KALRN: variants seen among roughly 807,000 people sequenced by gnomAD.
The protein encoded by KALRN is kalirin RhoGEF kinase.
In KALRN, 70 loss-of-function variants were observed where a neutral mutation model predicts 353.7. That is an observed-to-expected ratio of 0.20 (90% CI 0.16 to 0.24). The LOEUF (loss-of-function observed/expected upper bound fraction) is 0.24. Among genes scored for constraint, KALRN ranks in the 10% least tolerant of loss-of-function variants. The pLI, the probability that KALRN is intolerant of heterozygous loss-of-function variation, is 1.00. For synonymous variants in KALRN, 1,391 were observed against 1,434.8 expected, an observed-to-expected ratio of 0.97 and a Z score of 0.69; for missense variants, 2,791 against 3,756.7, an observed-to-expected ratio of 0.74 and a Z score of 6.72.
intron 1 of KALRN, among the ~76,000 whole-genome samples, chr3:124,185,656 A>G (rs2074129382): frequency 6.6e-6 from 1 of 152,196 alleles, no homozygotes; most frequent in African/African-American, 2.4e-5. Context: ...TCTCACCATG[A>G]GATGCCTTCA....
chr3:124,255,674 C>T (rs1056823538), intron 3 of KALRN, among the ~76,000 whole-genome samples: 4 of 152,160 alleles, frequency 2.6e-5, no homozygotes, highest in East Asian at 1.9e-4. Flanking sequence ...ACAGTTGCCA[C>T]GTGGGAAAGC....
At position 124,430,772 on chromosome 3, in the gene KALRN, C is replaced by T. The variant is rs377636597; in HGVS notation, c.2826C>T (p.Ile942=). Residue 942 remains isoleucine, a synonymous_variant, in exon 16 of 60, where the codon ATC becomes ATT. Coordinates refer to ENST00000682506, the MANE Select transcript of KALRN (RefSeq NM_001388419.1). Reference sequence around the variant, plus strand: ...AGCACGAGCAGTTCCAACTGGCCATCGAGGTAACACCCAAATCTGGCTGCA... The same window carrying T: ...AGCACGAGCAGTTCCAACTGGCCATTGAGGTAACACCCAAATCTGGCTGCA... ...QREHEQFQLA[I]ESLFHATSLQ... 6.2e-6 allele frequency: 10 copies of T among 1,613,562 alleles called. No homozygotes were observed. Among genetic ancestry groups the T allele is most frequent in the South Asian group, 2.2e-5 (2 of 91,008 alleles).
At chr3:124,077,416 C>A (rs1466611531) in intron 1 of KALRN, among the ~76,000 whole-genome samples, 1 of 151,754 alleles carries the variant, frequency 6.6e-6, no homozygotes, top group Non-Finnish European at 1.5e-5. Flanking sequence ...CCATTCATTC[C>A]TACTCTTCAT....
rs1378011596 is a variant in KALRN at position 124,661,868 on chromosome 3, G to A, written c.6285G>A (p.Met2095Ile). The A allele has an allele frequency of 2.5e-6, 4 of 1,613,996 alleles. No homozygotes were observed. In the East Asian group the frequency reaches 6.7e-5, roughly 27 times the overall value. The change falls in exon 45 of 60, where the codon ATG becomes ATA. Residue 2095 changes from methionine to isoleucine, a missense_variant. This residue lies in a region of KALRN where 1,065 missense variants were observed against 1,156.4 expected (regional missense o/e 0.92). Transcript: ENST00000682506. ...CSDIEKAVEL[M>I]CLVPKRCNDM... Reference sequence around the variant, plus strand: ...TCCCACAGAAAGCAGTGGAGTTAATGTGCCTTGTTCCCAAACGCTGCAATG... The same window carrying A: ...TCCCACAGAAAGCAGTGGAGTTAATATGCCTTGTTCCCAAACGCTGCAATG...
intron 33 of KALRN, among the ~76,000 whole-genome samples, chr3:124,528,916 G>T (rs890403925): frequency 6.6e-6 from 1 of 152,082 alleles, no homozygotes; most frequent in Admixed American, 6.6e-5. Flanking sequence ...TGCTCAGCAG[G>T]GGGGGCTCTA....
chr3:124,244,844 T>C (rs1019583759), intron 3 of KALRN, among the ~76,000 whole-genome samples: 115 of 152,240 alleles, frequency 7.6e-4, no homozygotes, highest in African/African-American at 2.7e-3. Context: ...GTTACATATA[T>C]AATTTTTTTT....
Position 124,434,358 on chromosome 3 carries a change from G to A in KALRN, c.2881G>A (p.Val961Ile), listed in dbSNP as rs1485607922. The A allele has an allele frequency of 6.2e-7, 1 of 1,613,718 alleles. No individual in the cohort carries two copies. Among genetic ancestry groups the A allele is most frequent in the Non-Finnish European group, 8.5e-7 (1 of 1,180,014 alleles). ...GAAGACGCACCAGAGTGCCCTGCAG[G>A]TACAGCAGAAAGCCGAGGTGCTGCT... ...LQKTHQSALQ[V>I]QQKAEVLLQA... Residue 961 changes from valine (V) to isoleucine (I), a missense_variant, in exon 17 of 60, where the codon GTA (valine) becomes ATA (isoleucine). Physicochemically the swap from Val to Ile is conservative, Grantham distance 29. Coordinates refer to ENST00000682506, the MANE Select transcript of KALRN (RefSeq NM_001388419.1).
chr3:124,349,878 AG>A (rs1261824938), intron 10 of KALRN, among the ~76,000 whole-genome samples: 2 of 152,134 alleles, frequency 1.3e-5, no homozygotes, highest in Non-Finnish European at 2.9e-5. Context: ...CTAGGCTGTT[AG>A]GGGGCAAAGG....
At chr3:124,206,938 A>G (rs950949358) in intron 1 of KALRN, among the ~76,000 whole-genome samples, 2 of 152,246 alleles carry the variant, frequency 1.3e-5, no homozygotes, top group East Asian at 1.9e-4. Flanking sequence ...CTGATTTCCC[A>G]CCTCAGAACA....
At chr3:124,400,902 G>A (rs1168949064) in intron 13 of KALRN, among the ~76,000 whole-genome samples, 1 of 152,126 alleles carries the variant, frequency 6.6e-6, no homozygotes, top group African/African-American at 2.4e-5. Flanking sequence ...ACATGCTTAA[G>A]GGGGAGGAAA....
At chr3:124,068,799 C>G (rs1309907203) in intron 1 of KALRN, among the ~76,000 whole-genome samples, 1 of 152,054 alleles carries the variant, frequency 6.6e-6, no homozygotes, top group Non-Finnish European at 1.5e-5. Flanking sequence ...TATCATGGAG[C>G]TTGGAGGAGT....
chr3:124,427,241 C>T (rs187678820), intron 15 of KALRN, among the ~76,000 whole-genome samples: 4 of 152,284 alleles, frequency 2.6e-5, no homozygotes, highest in East Asian at 1.9e-4. Context: ...CATATGGCCA[C>T]GGTCTATAAA....
intron 1 of KALRN, among the ~76,000 whole-genome samples, chr3:124,219,116 A>C (rs1167357901): frequency 1.3e-5 from 2 of 152,232 alleles, no homozygotes; most frequent in Non-Finnish European, 1.5e-5. Flanking sequence ...GTGTCATGAC[A>C]CTTGGGATGT....
chr3:124,610,634 TG>T (rs397977030), intron 34 of KALRN, among the ~76,000 whole-genome samples: 4 of 146,626 alleles, frequency 2.7e-5, no homozygotes, highest in East Asian at 2.0e-4. Flanking sequence ...TAACTAACCC[TG>T]GGGGGGGCGG....
chr3:124,422,781 T>C (rs1212128295), intron 14 of KALRN, 31 bp from the exon 15 acceptor site: 4 of 1,599,402 alleles, frequency 2.5e-6, no homozygotes, highest in Non-Finnish European at 3.4e-6. Flanking sequence ...TACTAGCTGG[T>C]TTTTAATTGT....
In KALRN at chr3:124,456,693, C is replaced by A; in HGVS notation, c.3819C>A (p.Val1273=). 2 of 1,613,110 alleles carry A rather than the reference C, an allele frequency of 1.2e-6. No individual in the cohort carries two copies. Among genetic ancestry groups the A allele is most frequent in the South Asian group, 1.1e-5 (1 of 90,976 alleles). Residue 1273 remains valine, a synonymous_variant, in exon 23 of 60, where the codon GTC becomes GTA. Coordinates refer to ENST00000682506, the MANE Select transcript of KALRN (RefSeq NM_001388419.1). ...AGCTGCGGGACGCCAACCACGAAGT[C>A]AATGAAGAGAAGCGGAAGTCAGCCC... ...EVKLRDANHE[V]NEEKRKSARK... is the part of the protein sequence containing the mutation.
rs533735809 is a variant in KALRN, at chr3:124,647,170, C to T, written c.5665-3638C>T. On this transcript the variant is annotated intron_variant, in intron 37 of 59. Coordinates refer to ENST00000682506, the MANE Select transcript of KALRN (RefSeq NM_001388419.1). ...GACCCTCTCACCACAGCCTCCCAAA[C>T]TGCTGGCATTACAGGCGTGAGCCAC... Among the ~76,000 whole-genome samples the T allele has an allele frequency of 6.6e-5, 10 of 152,232 alleles. No individual in the cohort carries two copies. In the East Asian group the frequency reaches 1.9e-3, roughly 29 times the overall value.
intron 37 of KALRN, among the ~76,000 whole-genome samples, chr3:124,643,851 G>T (rs1220240862): frequency 1.3e-5 from 2 of 152,120 alleles, no homozygotes; most frequent in African/African-American, 2.4e-5. Flanking sequence ...TAGTAGAATG[G>T]TTACTGTAGT....
chr3:124,637,122 A>G, intron 36 of KALRN, 86 bp from the exon 37 acceptor site: 1 of 1,122,772 alleles, frequency 8.9e-7, no homozygotes, highest in Non-Finnish European at 1.4e-6. Context: ...CCCTGGCTTG[A>G]GCTTTGGACT....
Sources: allele counts gnomAD v4.1 joint callset (sites outside exome capture counted in the v4.1 genomes callset), GRCh38; gene constraint gnomAD v4.1.1; regional missense constraint gnomAD v4.1.1; transcripts MANE v1.5; gene names NCBI Gene and HGNC (gene_info 2026-07-23, HGNC 2026-07-21).